The following NAV3 variants were observed in gnomAD, a reference collection of about 807,000 sequenced individuals.
NAV3 encodes the protein pore membrane and/or filament interacting like protein 1.
NAV3 carries 87 observed loss-of-function variants against 244.7 expected under a neutral mutation model. The observed-to-expected ratio is 0.36, with a 90% CI of 0.30 to 0.42. The LOEUF (loss-of-function observed/expected upper bound fraction) is 0.42, where lower values mean the gene tolerates loss of function less well. Among genes scored for constraint, NAV3 ranks in the 20% least tolerant of loss-of-function variants. The probability of loss-of-function intolerance (pLI) is 1.00; values close to 1 mark genes in which losing one functional copy is unlikely to be tolerated. For synonymous variants in NAV3, 1,126 were observed against 1,042.2 expected, an observed-to-expected ratio of 1.08 and a Z score of -1.55; for missense variants, 2,663 against 2,893.3, an observed-to-expected ratio of 0.92 and a Z score of 1.83.
intron 12 of NAV3, among the ~76,000 whole-genome samples, chr12:78,096,454 TA>T (rs1234966445): frequency 1.3e-5 from 2 of 152,154 alleles, no homozygotes; most frequent in South Asian, 4.1e-4. Flanking sequence ...AGGCTGCTAA[TA>T]AAGACATACC....
intron 2 of NAV3, among the ~76,000 whole-genome samples, chr12:77,800,263 T>A (rs1871637599): frequency 6.6e-6 from 1 of 152,158 alleles, no homozygotes; most frequent in Non-Finnish European, 1.5e-5. Context: ...TGGGTGGGCT[T>A]TAGAAATGAA....
At chr12:77,738,744 C>G (rs1217342750) in intron 2 of NAV3, among the ~76,000 whole-genome samples, 3 of 152,148 alleles carry the variant, frequency 2.0e-5, no homozygotes, top group African/African-American at 7.2e-5. Flanking sequence ...GGGCGCGTGG[C>G]TCACGCCTGT....
chr12:78,140,240 A>G, intron 19 of NAV3, 42 bp from the exon 20 acceptor site: 2 of 1,561,326 alleles, frequency 1.3e-6, no homozygotes, highest in Non-Finnish European at 1.8e-6. Flanking sequence ...TTTTGAGTAG[A>G]CCTTATTGTT....
At chr12:77,810,373 G>A (rs1041841886) in intron 2 of NAV3, among the ~76,000 whole-genome samples, 1 of 152,154 alleles carries the variant, frequency 6.6e-6, no homozygotes, top group South Asian at 2.1e-4. Context: ...GGGTTTCACT[G>A]TGTTAGCCAG....
intron 30 of NAV3, 77 bp from the exon 31 acceptor site, chr12:78,185,524 G>T: frequency 8.1e-7 from 1 of 1,233,822 alleles, no homozygotes; most frequent in South Asian, 1.3e-5. Context: ...AAAACTATGA[G>T]GGAGAAAAGA....
chr12:77,926,841 C>T (rs931669942), intron 1 of NAV3, among the ~76,000 whole-genome samples: 4 of 152,192 alleles, frequency 2.6e-5, no homozygotes, highest in Non-Finnish European at 5.9e-5. Flanking sequence ...CCAATCTTTC[C>T]ATCAGTCAAT....
At chr12:77,618,720 T>A (rs1871240553) in intron 2 of NAV3, among the ~76,000 whole-genome samples, 1 of 152,320 alleles carries the variant, frequency 6.6e-6, no homozygotes, top group South Asian at 2.1e-4. Flanking sequence ...ATGTCAGTAT[T>A]TTATAGAATG....
intron 9 of NAV3, among the ~76,000 whole-genome samples, chr12:78,026,456 T>C (rs1878071644): frequency 6.6e-6 from 1 of 152,196 alleles, no homozygotes; most frequent in Non-Finnish European, 1.5e-5. Context: ...TCATGGCTCC[T>C]TTTTAATGCC....
chr12:78,163,562 CA>C, intron 23 of NAV3, among the ~76,000 whole-genome samples: 1 of 151,674 alleles, frequency 6.6e-6, no homozygotes, highest in East Asian at 1.9e-4. Flanking sequence ...AGAGAGACTG[CA>C]TCTCAAAAAA....
At chr12:77,915,429 C>T (rs1887034275) in intron 1 of NAV3, among the ~76,000 whole-genome samples, 1 of 151,616 alleles carries the variant, frequency 6.6e-6, no homozygotes, top group Non-Finnish European at 1.5e-5. Context: ...AGAGATCTGT[C>T]AAATAAATAA....
chr12:77,708,246 G>A (rs1484770444), intron 2 of NAV3, among the ~76,000 whole-genome samples: 1 of 152,134 alleles, frequency 6.6e-6, no homozygotes, highest in Non-Finnish European at 1.5e-5. Context: ...AAGATATAAG[G>A]AAGGGATCCA....
chr12:77,840,534 T>C (rs1875461383), intron 1 of NAV3, among the ~76,000 whole-genome samples: 1 of 152,152 alleles, frequency 6.6e-6, no homozygotes, highest in Non-Finnish European at 1.5e-5. Flanking sequence ...ATGTTTGGAT[T>C]AAGCTATTAA....
intron 8 of NAV3, among the ~76,000 whole-genome samples, chr12:78,018,104 A>G (rs946450764): frequency 1.1e-4 from 16 of 152,088 alleles, no homozygotes; most frequent in African/African-American, 3.9e-4. Context: ...TTCCTTATTA[A>G]TGCTAAGTTA....
intron 11 of NAV3, chr12:78,056,361 A>G (rs1883507182): frequency 6.6e-6 from 1 of 152,172 alleles, no homozygotes; most frequent in African/African-American, 2.4e-5. Context: ...TTAAAACGTG[A>G]GAAGACAAGA....
intron 2 of NAV3, among the ~76,000 whole-genome samples, chr12:77,662,367 C>G (rs1358200548): frequency 6.6e-6 from 1 of 151,776 alleles, no homozygotes; most frequent in Non-Finnish European, 1.5e-5. Flanking sequence ...CTATTTTACC[C>G]TTTTAAATTA....
intron 9 of NAV3, chr12:78,037,231 A>G (rs1008229569): frequency 4.7e-5 from 33 of 702,856 alleles, no homozygotes; most frequent in Non-Finnish European, 7.5e-5. Flanking sequence ...AGGTCTGAAG[A>G]TGAAAACGTG....
At chr12:78,058,885 G>C in intron 11 of NAV3, 111 bp from the exon 12 acceptor site, 1 of 837,114 alleles carries the variant, frequency 1.2e-6, no homozygotes, top group East Asian at 3.4e-5. Flanking sequence ...CAAGATAATA[G>C]AATATATTTG....
chr12:77,733,578 A>G (rs1405654712), intron 2 of NAV3, among the ~76,000 whole-genome samples: 3 of 152,042 alleles, frequency 2.0e-5, no homozygotes, highest in Non-Finnish European at 2.9e-5. Context: ...ATCTGTGATC[A>G]CTTGACAAAT....
chr12:78,193,035 T>C (rs300505), intron 34 of NAV3, among the ~76,000 whole-genome samples: 1 of 152,238 alleles, frequency 6.6e-6, no homozygotes, highest in East Asian at 1.9e-4. Flanking sequence ...CATGAAATAA[T>C]AAATCCTGTT....
Sources: gnomAD v4.1 joint callset for allele counts (sites outside exome capture counted in the v4.1 genomes callset) on GRCh38, gnomAD v4.1.1 for gene constraint, MANE v1.5 for transcripts, NCBI Gene and HGNC (gene_info 2026-07-23, HGNC 2026-07-21) for gene names.